Variants in MAP3K14 observed in about 807,000 individuals in gnomAD.
The protein encoded by MAP3K14 is mitogen-activated protein kinase kinase kinase 14.
Under a neutral mutation model 99.2 loss-of-function variants are expected in MAP3K14, and 16 were observed. The ratio of observed to expected loss-of-function variants is 0.16; its 90% CI spans 0.11 to 0.24. The LOEUF (loss-of-function observed/expected upper bound fraction) is 0.24. Among genes scored for constraint, MAP3K14 ranks in the 10% least tolerant of loss-of-function variants. The probability of loss-of-function intolerance (pLI) is 1.00; values close to 1 mark genes in which losing one functional copy is unlikely to be tolerated. For missense variants in MAP3K14, 784 were observed against 1,208.7 expected, an observed-to-expected ratio of 0.65 and a Z score of 5.21; for synonymous variants, 462 against 492.4, an observed-to-expected ratio of 0.94 and a Z score of 0.82.
At chr17:45,288,987 G>A (rs2044289784) in intron 3 of MAP3K14, among the ~76,000 whole-genome samples, 1 of 152,182 alleles carries the variant, frequency 6.6e-6, no homozygotes, top group South Asian at 2.1e-4. Context: ...ACTCTGAGGA[G>A]AATAAAAATA....
At chr17:45,266,452 G>A (rs1473632811) in intron 14 of MAP3K14, 85 bp downstream of exon 14, 12 of 1,495,710 alleles carry the variant, frequency 8.0e-6, no homozygotes, top group Non-Finnish European at 2.7e-6. Flanking sequence ...CCAGAGGAGG[G>A]GAGACAAAAT....
chr17:45,282,575 GA>G (rs2044232178), intron 6 of MAP3K14, among the ~76,000 whole-genome samples: 4 of 144,714 alleles, frequency 2.8e-5, no homozygotes, highest in African/African-American at 5.1e-5. Context: ...AAAAAAGAAA[GA>G]AAAGAAAAAA....
intron 6 of MAP3K14, among the ~76,000 whole-genome samples, chr17:45,277,131 T>C (rs1174040994): frequency 1.3e-5 from 2 of 152,120 alleles, no homozygotes; most frequent in Admixed American, 1.3e-4. Context: ...CACGGCCTCT[T>C]AGGCTTCTTC....
At chr17:45,313,396 C>A (rs1361804328) in intron 1 of MAP3K14, among the ~76,000 whole-genome samples, 1 of 152,186 alleles carries the variant, frequency 6.6e-6, no homozygotes, top group African/African-American at 2.4e-5. Flanking sequence ...CAGCACTTTA[C>A]ATATCTCCTC....
chr17:45,273,910 C>T (rs938287818), intron 8 of MAP3K14: 19 of 681,072 alleles, frequency 2.8e-5, no homozygotes, highest in African/African-American at 5.4e-5. Flanking sequence ...GCTTGACCTT[C>T]GGTTCTCTGT....
chr17:45,264,908 CCTGT>C (rs1567984812), intron 15 of MAP3K14, 108 bp from the exon 16 acceptor site: 38 of 1,197,186 alleles, frequency 3.2e-5, no homozygotes, highest in Middle Eastern at 2.4e-4. Context: ...AAGGGCACTG[CCTGT>C]CTGTCATTCC....
rs1286810540 is a variant in MAP3K14, at chr17:45,263,199, G to A, written c.*1437C>T. ...ACAACCCAGACTCTGCAGTACCAAG[G>A]CTGCAGTTCTTTATGTGCTGGGGGC... On this transcript the variant is annotated 3_prime_UTR_variant, in exon 16 of 16. Coordinates refer to ENST00000344686, the MANE Select transcript of MAP3K14 (RefSeq NM_003954.5). 1 of 152,306 alleles carries A rather than the reference G, an allele frequency of 6.6e-6. No homozygotes were observed. Among genetic ancestry groups the A allele is most frequent in the East Asian group, 1.9e-4 (1 of 5,192 alleles). 9.4% of individuals were successfully genotyped at this position (152,306 alleles called of 1,614,324 possible). A position where few individuals can be genotyped will look rare whatever the true frequency, so the allele number is the denominator to read the frequency against.
chr17:45,265,287 T>G, intron 14 of MAP3K14, 24 bp from the exon 15 acceptor site: 1 of 1,516,186 alleles, frequency 6.6e-7, no homozygotes, highest in Non-Finnish European at 9.2e-7. Context: ...AAGGTGATAG[T>G]CAGGAGAGCG....
chr17:45,312,755 G>A (rs80000929), intron 1 of MAP3K14, among the ~76,000 whole-genome samples: 3,663 of 152,214 alleles, frequency 0.024, 134 homozygotes, highest in East Asian at 0.15. Context: ...ACTGCAGATC[G>A]TGGGCCCCCA....
intron 6 of MAP3K14, among the ~76,000 whole-genome samples, chr17:45,283,068 G>C (rs900940281): frequency 6.6e-6 from 1 of 152,234 alleles, no homozygotes; most frequent in African/African-American, 2.4e-5. Context: ...TGCGAGGGGC[G>C]AGACATGGAG....
At chr17:45,270,734 C>T in intron 10 of MAP3K14, 171 bp from the exon 11 acceptor site, 4 of 990,906 alleles carry the variant, frequency 4.0e-6, no homozygotes, top group Non-Finnish European at 5.7e-6. Context: ...AGGAAAGGGA[C>T]AAATGGAGCC....
chr17:45,300,187 C>T (rs1456997254), intron 1 of MAP3K14, among the ~76,000 whole-genome samples: 2 of 124,172 alleles, frequency 1.6e-5, no homozygotes, highest in Non-Finnish European at 3.9e-5. Context: ...GCAATTACCA[C>T]CACATGCCTG....
At chr17:45,314,573 T>C (rs1207193601) in intron 1 of MAP3K14, among the ~76,000 whole-genome samples, 1 of 152,110 alleles carries the variant, frequency 6.6e-6, no homozygotes, top group African/African-American at 2.4e-5. Flanking sequence ...TAGTGACTTA[T>C]TAATCACGAA....
At position 45,267,623 on chromosome 17, in the gene MAP3K14, A is replaced by C. The variant is rs1365061491; in HGVS notation, c.2109T>G (p.Ala703=). 1 of 1,613,298 alleles carries C rather than the reference A, an allele frequency of 6.2e-7. No individual in the cohort carries two copies. The highest frequency in any genetic ancestry group is 8.5e-7 in the Non-Finnish European group (1 of 1,179,720). The change falls in exon 12 of 16, where the codon GCT becomes GCG. Residue 703 remains alanine (A), a synonymous_variant. Coordinates refer to ENST00000344686, the MANE Select transcript of MAP3K14 (RefSeq NM_003954.5). This position sits in a 1 kb window ranked among gnomAD's most constrained non-coding sequence, Gnocchi z 5.1. ...TAGGGGCTCTGCCTGTTGTCTCCTC[A>C]GCTGGCCGGGGCCCTGGGGCCCTTG... ...LSPRAPGPRP[A]EETTGRAPKL...
chr17:45,280,092 C>G (rs2044210425), intron 6 of MAP3K14, among the ~76,000 whole-genome samples: 1 of 152,206 alleles, frequency 6.6e-6, no homozygotes, highest in Non-Finnish European at 1.5e-5. Flanking sequence ...TGTTTGGTGA[C>G]AGCTGGGTTG....
chr17:45,315,783 C>A (rs1568006466), intron 1 of MAP3K14, among the ~76,000 whole-genome samples: 1 of 152,188 alleles, frequency 6.6e-6, no homozygotes, highest in Admixed American at 6.5e-5. Flanking sequence ...ACACCTGCCT[C>A]AGGTGCCTCG....
intron 1 of MAP3K14, among the ~76,000 whole-genome samples, chr17:45,301,143 G>A (rs2044384905): frequency 6.6e-6 from 1 of 150,718 alleles, no homozygotes; most frequent in Non-Finnish European, 1.5e-5. Flanking sequence ...ACTCCAGCCT[G>A]GACAACAGAA....
At chr17:45,311,446 C>A (rs2044478261) in intron 1 of MAP3K14, among the ~76,000 whole-genome samples, 2 of 152,178 alleles carry the variant, frequency 1.3e-5, no homozygotes, top group African/African-American at 4.8e-5. Context: ...CGGTCAAGTT[C>A]AACACCAACT....
chr17:45,282,809 C>T (rs1450042683), intron 6 of MAP3K14, among the ~76,000 whole-genome samples: 3 of 152,196 alleles, frequency 2.0e-5, no homozygotes, highest in Admixed American at 6.5e-5. Flanking sequence ...ATCTCCTAAT[C>T]AGGGAACTGT....
Sources: gnomAD v4.1 joint callset for allele counts (sites outside exome capture counted in the v4.1 genomes callset) on GRCh38, gnomAD v4.1.1 for gene constraint, Gnocchi (gnomAD v3.1) non-coding constraint, MANE v1.5 for transcripts, NCBI Gene and HGNC (gene_info 2026-07-23, HGNC 2026-07-21) for gene names.